The following EXOC6 variants were observed in gnomAD, a reference collection of about 807,000 sequenced individuals.
The protein encoded by EXOC6 is exocyst complex component 6, also known as SEC15-like 1.
EXOC6 carries 60 observed loss-of-function variants against 112.5 expected under a neutral mutation model. That is an observed-to-expected ratio of 0.53 (90% CI 0.43 to 0.66). The LOEUF is 0.66. Among genes scored for constraint, EXOC6 ranks in the 30% least tolerant of loss-of-function variants. The probability of loss-of-function intolerance (pLI) is 0.00; values close to 1 mark genes in which losing one functional copy is unlikely to be tolerated. For missense variants in EXOC6, 855 were observed against 957.1 expected (o/e 0.89, Z 1.41); for synonymous variants, 295 against 308.0 (o/e 0.96, Z 0.44).
At chr10:92,868,013 AT>A (rs555277544) in intron 1 of EXOC6, among the ~76,000 whole-genome samples, 132 of 152,058 alleles carry the variant, frequency 8.7e-4, no homozygotes, top group African/African-American at 3.0e-3. Context: ...CATTAGAAAC[AT>A]TTTTTTCATT....
intron 6 of EXOC6, among the ~76,000 whole-genome samples, chr10:92,911,338 T>C (rs774040363): frequency 5.3e-5 from 8 of 152,182 alleles, no homozygotes; most frequent in Non-Finnish European, 1.0e-4. Context: ...CCTTCAATAT[T>C]ACAGTGTTTT....
chr10:92,852,149 A>T (rs565571784), intron 1 of EXOC6, among the ~76,000 whole-genome samples: 1 of 152,358 alleles, frequency 6.6e-6, no homozygotes, highest in Admixed American at 6.5e-5. Context: ...TAGTTGAAAG[A>T]TACAAAGTAT....
chr10:92,950,274 T>C (rs769882823), intron 14 of EXOC6, among the ~76,000 whole-genome samples: 24 of 152,158 alleles, frequency 1.6e-4, no homozygotes, highest in Non-Finnish European at 2.9e-4. Context: ...TTAGAAAATA[T>C]ATAAAACTAT....
intron 17 of EXOC6, among the ~76,000 whole-genome samples, chr10:92,971,428 G>A (rs1228750976): frequency 2.0e-5 from 3 of 151,316 alleles, no homozygotes; most frequent in Non-Finnish European, 4.4e-5. Flanking sequence ...AGGCTGGAGT[G>A]CAGTGGCACC....
intron 1 of EXOC6, among the ~76,000 whole-genome samples, chr10:92,861,527 T>A (rs1292504169): frequency 3.3e-5 from 5 of 152,074 alleles, no homozygotes; most frequent in African/African-American, 1.2e-4. Context: ...CTCTCTGCCA[T>A]ACTCACCTTT....
chr10:92,928,862 A>G (rs940168061), intron 9 of EXOC6, among the ~76,000 whole-genome samples: 14 of 152,232 alleles, frequency 9.2e-5, no homozygotes, highest in Admixed American at 7.9e-4. Flanking sequence ...TTACATTAGT[A>G]GATGTGTTTG....
intron 20 of EXOC6, among the ~76,000 whole-genome samples, chr10:93,047,533 C>G (rs1012573821): frequency 6.7e-6 from 1 of 148,906 alleles, no homozygotes; most frequent in Non-Finnish European, 1.5e-5. Context: ...GAGGCTATGT[C>G]TCAAACAAAA....
At chr10:92,947,323 G>T (rs1853083933) in intron 13 of EXOC6, among the ~76,000 whole-genome samples, 1 of 152,134 alleles carries the variant, frequency 6.6e-6, no homozygotes. Context: ...TGCACAATTG[G>T]CTCATAAAGG....
chr10:92,924,377 T>C (rs1851595704), intron 8 of EXOC6, among the ~76,000 whole-genome samples: 1 of 152,100 alleles, frequency 6.6e-6, no homozygotes, highest in Non-Finnish European at 1.5e-5. Context: ...ATGAATGGAG[T>C]GTTTTCTGGG....
intron 1 of EXOC6, among the ~76,000 whole-genome samples, chr10:92,869,867 G>A (rs1848354370): frequency 6.6e-6 from 1 of 151,302 alleles, no homozygotes; most frequent in Admixed American, 6.6e-5. Context: ...TACAGTGGTT[G>A]AGACAGGGGG....
intron 17 of EXOC6, among the ~76,000 whole-genome samples, chr10:92,964,718 G>A (rs1351300745): frequency 2.6e-5 from 4 of 152,152 alleles, no homozygotes; most frequent in African/African-American, 9.7e-5. Flanking sequence ...AACAATAAAG[G>A]AAAAATTATT....
At chr10:93,056,074 A>G (rs1846526973) in intron 20 of EXOC6, among the ~76,000 whole-genome samples, 1 of 152,224 alleles carries the variant, frequency 6.6e-6, no homozygotes, top group Non-Finnish European at 1.5e-5. Flanking sequence ...GGTAGTAAGT[A>G]AAGCATTTAG....
intron 20 of EXOC6, among the ~76,000 whole-genome samples, chr10:93,050,072 G>C (rs534075770): frequency 1.1e-4 from 16 of 152,158 alleles, no homozygotes; most frequent in African/African-American, 3.9e-4. Context: ...TATATAACAA[G>C]AAATAGAGGT....
At chr10:92,953,878 GT>G (rs1288446450) in intron 15 of EXOC6, among the ~76,000 whole-genome samples, 2 of 152,080 alleles carry the variant, frequency 1.3e-5, no homozygotes, top group African/African-American at 4.8e-5. Flanking sequence ...GGATAACTTA[GT>G]TATATTAAAA....
intron 1 of EXOC6, among the ~76,000 whole-genome samples, chr10:92,850,980 A>G (rs571786880): frequency 6.6e-6 from 1 of 152,364 alleles, no homozygotes; most frequent in East Asian, 1.9e-4. Context: ...AACAAAAACT[A>G]TCTGGAAAAT....
chr10:92,975,444 G>A (rs1182465611), intron 18 of EXOC6, among the ~76,000 whole-genome samples: 1 of 151,006 alleles, frequency 6.6e-6, no homozygotes, highest in African/African-American at 2.4e-5. Flanking sequence ...GAGCGTCTCC[G>A]CCCGGCAGCC....
chr10:92,927,255 A>G (rs1381365764), intron 8 of EXOC6, among the ~76,000 whole-genome samples: 3 of 152,172 alleles, frequency 2.0e-5, no homozygotes, highest in Non-Finnish European at 4.4e-5. Context: ...ATGGTTCTCA[A>G]CCTTTCCTTC....
At chr10:92,847,446 G>A (rs1847091087), upstream of EXOC6, among the ~76,000 whole-genome samples, 1 of 152,296 alleles carries the variant, frequency 6.6e-6, no homozygotes, top group Non-Finnish European at 1.5e-5. Context: ...CTGGAGGTAG[G>A]TTTCAAGTAA....
chr10:92,984,582 C>A (rs1159157001), intron 18 of EXOC6, among the ~76,000 whole-genome samples: 4 of 151,976 alleles, frequency 2.6e-5, no homozygotes, highest in African/African-American at 9.7e-5. Flanking sequence ...TGCTGAATTC[C>A]CGTAAAACTT....
Sources: gnomAD v4.1 joint callset for allele counts (sites outside exome capture counted in the v4.1 genomes callset) on GRCh38, gnomAD v4.1.1 for gene constraint, MANE v1.5 for transcripts, NCBI Gene and HGNC (gene_info 2026-07-23, HGNC 2026-07-21) for gene names.